The following ADCY5 variants were observed in gnomAD, a reference collection of about 807,000 sequenced individuals.
ADCY5 encodes adenylate cyclase type 5.
ADCY5 carries 30 observed loss-of-function variants against 119.7 expected under a neutral mutation model. The ratio of observed to expected loss-of-function variants is 0.25; its 90% CI spans 0.19 to 0.34. The LOEUF (loss-of-function observed/expected upper bound fraction) is 0.34. ADCY5 is among the 10% of genes least tolerant of loss of function. The pLI, the probability that ADCY5 is intolerant of heterozygous loss-of-function variation, is 1.00. For missense variants in ADCY5, 1,324 were observed against 1,775.2 expected, an observed-to-expected ratio of 0.75 and a Z score of 4.57; for synonymous variants, 753 against 762.2, an observed-to-expected ratio of 0.99 and a Z score of 0.20.
chr3:123,336,971 T>C (rs1942057964), intron 3 of ADCY5, among the ~76,000 whole-genome samples: 1 of 152,190 alleles, frequency 6.6e-6, no homozygotes, highest in South Asian at 2.1e-4. Flanking sequence ...GGCTCTGCTG[T>C]TGATTGTCTT....
intron 1 of ADCY5, among the ~76,000 whole-genome samples, chr3:123,364,040 G>T (rs1484554099): frequency 2.0e-5 from 3 of 152,166 alleles, no homozygotes; most frequent in Admixed American, 6.5e-5. Context: ...GGGAGAAAAA[G>T]AATATGAAAT....
At chr3:123,391,310 C>A (rs974132044) in intron 1 of ADCY5, among the ~76,000 whole-genome samples, 1 of 152,222 alleles carries the variant, frequency 6.6e-6, no homozygotes, top group South Asian at 2.1e-4. Context: ...GCCAAACCCC[C>A]CCTTTCCAGC....
chr3:123,372,621 G>A (rs1943678535), intron 1 of ADCY5, among the ~76,000 whole-genome samples: 1 of 152,136 alleles, frequency 6.6e-6, no homozygotes, highest in Non-Finnish European at 1.5e-5. Context: ...AAACACACAT[G>A]CCTGCCTCCC....
Position 123,337,253 on chromosome 3 carries a change from C to T in ADCY5, c.1407-4578G>A, listed in dbSNP as rs188714462. 3.9e-3 allele frequency among the ~76,000 whole-genome samples: 590 copies of T among 152,286 alleles called. 10 individuals carry two copies. Among genetic ancestry groups the T allele is most frequent in the South Asian group, 5.2e-3 (25 of 4,822 alleles). On this transcript the variant is annotated intron_variant, in intron 3 of 20. Transcript: ENST00000462833. ...ATTTTATCTACTTGATTCACGGCTA[C>T]GACCCAGCCCTTAGGAAACAAGCAG...
At chr3:123,345,097 A>G (rs996031651) in intron 3 of ADCY5, among the ~76,000 whole-genome samples, 1 of 152,208 alleles carries the variant, frequency 6.6e-6, no homozygotes, top group Admixed American at 6.5e-5. Flanking sequence ...CACTGCCTCC[A>G]TGGGAGAGAG....
chr3:123,317,903 TGCCTGAGCAAGTGCAGGC>T (rs1941007347), intron 11 of ADCY5, 99 bp downstream of exon 11: 1 of 917,176 alleles, frequency 1.1e-6, no homozygotes, highest in Non-Finnish European at 1.7e-6. Flanking sequence ...CTTCTCTCCG[TGCCTGAGCAAGTGCAGGC>T]CAGACTCCCT....
intron 1 of ADCY5, among the ~76,000 whole-genome samples, chr3:123,361,153 T>TTCATAGACAGACCAG (rs1191544229): frequency 5.9e-5 from 9 of 152,166 alleles, no homozygotes; most frequent in African/African-American, 9.7e-5. Context: ...TCATAGATCC[T>TTCATAGACAGACCAG]GGTCACATAA....
chr3:123,284,623 C>G lies in ADCY5; in HGVS notation c.3771G>C (p.Gly1257=). ...CCAACAGCTGCTAACTGAGCGGGGGCCCTCCATTGAGGAAGTAGGTCATCA... is the reference window on the plus strand; with the variant it reads ...CCAACAGCTGCTAACTGAGCGGGGGGCCTCCATTGAGGAAGTAGGTCATCA... ...GEMMTYFLNG[G]PPLS The change falls in exon 21 of 21, where the codon GGG becomes GGC. Residue 1257 remains glycine, a synonymous_variant. Transcript: ENST00000462833. 6.2e-7 allele frequency: 1 copy of G among 1,614,236 alleles called. No homozygotes were observed. Among genetic ancestry groups the G allele is most frequent in the Admixed American group, 1.7e-5 (1 of 60,032 alleles).
intron 2 of ADCY5, among the ~76,000 whole-genome samples, chr3:123,350,395 C>T (rs1375657688): frequency 6.6e-6 from 1 of 152,220 alleles, no homozygotes; most frequent in Non-Finnish European, 1.5e-5. Flanking sequence ...GGAAACACGA[C>T]CACCAAAGGC....
At chr3:123,406,650 A>G (rs954162741) in intron 1 of ADCY5, among the ~76,000 whole-genome samples, 2 of 151,976 alleles carry the variant, frequency 1.3e-5, no homozygotes, top group African/African-American at 4.8e-5. Context: ...TTCCCTTTCC[A>G]TTTCTCCCAT....
chr3:123,338,834 T>C (rs1408134096), intron 3 of ADCY5, among the ~76,000 whole-genome samples: 2 of 152,224 alleles, frequency 1.3e-5, no homozygotes, highest in Non-Finnish European at 2.9e-5. Flanking sequence ...CATTTCCTCG[T>C]GGTTGTTCCA....
At chr3:123,323,456 A>C (rs966336210) in intron 8 of ADCY5, among the ~76,000 whole-genome samples, 2 of 151,888 alleles carry the variant, frequency 1.3e-5, no homozygotes, top group Non-Finnish European at 2.9e-5. Context: ...GAACAGAAAG[A>C]ATCTCTCACC....
intron 1 of ADCY5, among the ~76,000 whole-genome samples, chr3:123,432,978 G>A (rs1346265038): frequency 6.6e-6 from 1 of 152,184 alleles, no homozygotes; most frequent in Non-Finnish European, 1.5e-5. Flanking sequence ...GGCACTATCT[G>A]CCTTCCTCCC....
chr3:123,444,657 G>A (rs1945780957), intron 1 of ADCY5, among the ~76,000 whole-genome samples: 2 of 152,190 alleles, frequency 1.3e-5, no homozygotes, highest in Admixed American at 1.3e-4. Flanking sequence ...ACACATAAGA[G>A]AGGCTGAAGA....
intron 6 of ADCY5, 89 bp from the exon 7 acceptor site, chr3:123,327,848 G>T: frequency 6.8e-7 from 1 of 1,466,640 alleles, no homozygotes; most frequent in South Asian, 1.3e-5. Flanking sequence ...GCAATTAGTG[G>T]GTTCACCACA....
At position 123,284,395 on chromosome 3, in the gene ADCY5, G is replaced by A; in HGVS notation, c.*213C>T. ...CTACAGAGGGAAACATCTTTGGTCAGCTGGGTGCTCGCAGGACGCTGGCAC... is the reference window on the plus strand; with the variant it reads ...CTACAGAGGGAAACATCTTTGGTCAACTGGGTGCTCGCAGGACGCTGGCAC... On this transcript the variant is annotated 3_prime_UTR_variant, in exon 21 of 21. Transcript: ENST00000462833. 1.5e-6 allele frequency: 1 copy of A among 647,868 alleles called. No individual in the cohort carries two copies. Among genetic ancestry groups the A allele is most frequent in the Non-Finnish European group, 2.6e-6 (1 of 387,408 alleles). 40.1% of individuals were successfully genotyped at this position (647,868 alleles called of 1,614,324 possible). A position where few individuals can be genotyped will look rare whatever the true frequency, so the allele number is the denominator to read the frequency against.
At chr3:123,372,399 C>T (rs566936420) in intron 1 of ADCY5, among the ~76,000 whole-genome samples, 1 of 152,296 alleles carries the variant, frequency 6.6e-6, no homozygotes, top group East Asian at 1.9e-4. Flanking sequence ...AGGCTATCAG[C>T]CCACGCATGG....
rs111461558 is a variant in ADCY5, at chr3:123,395,706, C to T, written c.1135-43125G>A. Among the ~76,000 whole-genome samples the T allele has an allele frequency of 5.5e-3, 839 of 151,460 alleles. 11 individuals are homozygous for T. The highest frequency in any genetic ancestry group is 0.018 in the African/African-American group (737 of 41,244). ...TAGCCTTGGCAACATAGTGTGACCCCGTCTCTACAAAAAAAAAAATTTTTT... is the reference window on the plus strand; with the variant it reads ...TAGCCTTGGCAACATAGTGTGACCCTGTCTCTACAAAAAAAAAAATTTTTT... On this transcript the variant is annotated intron_variant, in intron 1 of 20. Coordinates refer to ENST00000462833, the MANE Select transcript of ADCY5 (RefSeq NM_183357.3).
chr3:123,396,826 G>GAC (rs1553744392), intron 1 of ADCY5, among the ~76,000 whole-genome samples: 2 of 150,404 alleles, frequency 1.3e-5, no homozygotes, highest in African/African-American at 4.9e-5. Flanking sequence ...AGGCGAGAGA[G>GAC]AGAGAGAGAG....
Sources: allele counts gnomAD v4.1 joint callset (sites outside exome capture counted in the v4.1 genomes callset), GRCh38; gene constraint gnomAD v4.1.1; transcripts MANE v1.5; gene names NCBI Gene and HGNC (gene_info 2026-07-23, HGNC 2026-07-21).